CHD7: variants seen among roughly 807,000 people sequenced by gnomAD.
The protein encoded by CHD7 is ATP-dependent chromatin remodeler CHD7.
A neutral mutation model predicts 307.3 loss-of-function variants in CHD7; 24 were observed. That is an observed-to-expected ratio of 0.08 (90% confidence interval 0.06 to 0.11). CHD7 has a LOEUF of 0.11. Among genes scored for constraint, CHD7 ranks in the 10% least tolerant of loss-of-function variants. The pLI is 1.00. For synonymous variants in CHD7, 1,363 were observed against 1,349.9 expected (o/e 1.01, Z -0.21); for missense variants, 3,106 against 3,727.1 (o/e 0.83, Z 4.34).
In CHD7 at chr8:60,853,494, C is replaced by A; in HGVS notation, c.6769C>A (p.Pro2257Thr). The A allele has an allele frequency of 6.6e-7, 1 of 1,511,814 alleles. No individual in the cohort carries two copies. Among genetic ancestry groups the A allele is most frequent in the Non-Finnish European group, 8.8e-7 (1 of 1,131,926 alleles). 93.6% of individuals were successfully genotyped at this position (1,511,814 alleles called of 1,614,324 possible). A position where few individuals can be genotyped will look rare whatever the true frequency, so the allele number is the denominator to read the frequency against. The change falls in exon 31 of 38, where the codon CCC becomes ACC. Residue 2257 changes from proline (P) to threonine (T), a missense_variant. Transcript: ENST00000423902. The stretch of plus-strand genomic sequence containing the variant: ...CGATAAGTCGGAAGAGTCTTCCCAG[C>A]CCGAAGGTAAGGCCTTACCACTGGC... ...DDDKSEESSQPEAGAVSRGKN... is the reference protein window; with the variant it reads ...DDDKSEESSQTEAGAVSRGKN...
chr8:60,845,813 A>G (rs1805186571), intron 23 of CHD7, among the ~76,000 whole-genome samples: 1 of 152,214 alleles, frequency 6.6e-6, no homozygotes, highest in African/African-American at 2.4e-5. Context: ...AATGCTGTAT[A>G]CTCACTATCT....
intron 13 of CHD7, 186 bp downstream of exon 13, chr8:60,824,202 G>C (rs1804168863): frequency 1.7e-6 from 1 of 572,550 alleles, no homozygotes; most frequent in Non-Finnish European, 3.1e-6. Flanking sequence ...TTGTTGGCTA[G>C]TGTCTGTTAA....
intron 21 of CHD7, among the ~76,000 whole-genome samples, chr8:60,842,308 A>G (rs949834698): frequency 2.0e-5 from 3 of 152,230 alleles, no homozygotes; most frequent in African/African-American, 7.2e-5. Flanking sequence ...TGCCAGATCT[A>G]GAGTTACATG....
intron 1 of CHD7, among the ~76,000 whole-genome samples, chr8:60,719,259 C>G (rs949201582): frequency 6.6e-6 from 1 of 152,112 alleles, no homozygotes; most frequent in African/African-American, 2.4e-5. Flanking sequence ...TTTTTTGATT[C>G]AAGTAAGTCT....
At chr8:60,771,424 T>A (rs1444174843) in intron 2 of CHD7, among the ~76,000 whole-genome samples, 1 of 152,222 alleles carries the variant, frequency 6.6e-6, no homozygotes, top group Non-Finnish European at 1.5e-5. Context: ...TTGAAAATGC[T>A]CCATTGAGCA....
At chr8:60,688,039 C>G in intron 1 of CHD7, among the ~76,000 whole-genome samples, 1 of 152,148 alleles carries the variant, frequency 6.6e-6, no homozygotes, top group East Asian at 1.9e-4. Flanking sequence ...TTCTGTACTT[C>G]CTCTGTTGGT....
intron 1 of CHD7, among the ~76,000 whole-genome samples, chr8:60,739,243 C>CTAATAT (rs1808869443): frequency 1.3e-5 from 2 of 152,170 alleles, no homozygotes; most frequent in Non-Finnish European, 2.9e-5. Flanking sequence ...CATATGTAGA[C>CTAATAT]GTTACTTTCC....
intron 15 of CHD7, among the ~76,000 whole-genome samples, chr8:60,833,614 T>G (rs1372716097): frequency 6.6e-6 from 1 of 152,254 alleles, no homozygotes; most frequent in Non-Finnish European, 1.5e-5. Context: ...AGTGACCATC[T>G]GTTGAAGTGA....
intron 1 of CHD7, among the ~76,000 whole-genome samples, chr8:60,693,293 C>T (rs1268593244): frequency 1.3e-5 from 2 of 152,226 alleles, no homozygotes; most frequent in Admixed American, 6.5e-5. Context: ...GTTAGGGGGA[C>T]CCTTTCCTTG....
In CHD7 at chr8:60,865,851, T is replaced by C. The variant is rs1435312516; in HGVS notation, c.8912T>C (p.Leu2971Ser). 6.2e-7 allele frequency: 1 copy of C among 1,613,136 alleles called. No homozygotes were observed. Among genetic ancestry groups the C allele is most frequent in the South Asian group, 1.1e-5 (1 of 90,838 alleles). ...SLDKTAESSL[L>S]EDEIAQGEEL... ...GATAAGACTGCAGAGTCCTCCCTCTTAGAAGACGAAATAGCACAGGGTGAA... is the reference window on the plus strand; with the variant it reads ...GATAAGACTGCAGAGTCCTCCCTCTCAGAAGACGAAATAGCACAGGGTGAA... The change falls in exon 38 of 38, where the codon TTA becomes TCA. Residue 2971 changes from leucine (L) to serine (S), a missense_variant. Around this residue, in one of 10 missense-constraint regions of CHD7, gnomAD observed 351 missense variants for 366.2 expected, o/e 0.96. Coordinates refer to ENST00000423902, the MANE Select transcript of CHD7 (RefSeq NM_017780.4). This position sits in a 1 kb window ranked among gnomAD's most constrained non-coding sequence, Gnocchi z 4.3.
rs546670249 is a variant in CHD7 at position 60,830,199 on chromosome 8, C to A, written c.3523-123C>A. On this transcript the variant is annotated intron_variant, in intron 14 of 37. Transcript: ENST00000423902. ...AGAGATGAGCTCCTTCATACTCTCA[C>A]TGGGCTTTGAAAAATGAAAATGGAT... 7.3e-5 allele frequency: 73 copies of A among 1,002,818 alleles called. No homozygotes were observed. In the African/African-American group the frequency reaches 1.1e-3, roughly 16 times the overall value. The allele number at this position is 1,002,818 out of a possible 1,614,324, so 62.1% of individuals were successfully genotyped here.
In CHD7 at chr8:60,808,080, G is replaced by A. The variant is rs1035511538; in HGVS notation, c.2443-137G>A. 45 of 659,536 alleles carry A rather than the reference G, an allele frequency of 6.8e-5. 1 individual carries two copies. The highest frequency in any genetic ancestry group is 5.5e-4 in the Admixed American group (21 of 38,044). 40.9% of individuals were successfully genotyped at this position (659,536 alleles called of 1,614,324 possible). ...TGGCCCTGGCCACCTCCCAGCACACGGTGTGCTCATCTTACGTGAAGGTCC... is the reference window on the plus strand; with the variant it reads ...TGGCCCTGGCCACCTCCCAGCACACAGTGTGCTCATCTTACGTGAAGGTCC... On this transcript the variant is annotated intron_variant, in intron 6 of 37. Transcript: ENST00000423902.
intron 7 of CHD7, among the ~76,000 whole-genome samples, chr8:60,813,851 A>G (rs531600387): frequency 1.0e-3 from 154 of 151,508 alleles, no homozygotes; most frequent in Non-Finnish European, 1.6e-3. Context: ...TTATAAATAT[A>G]AATATTTACT....
At position 60,809,682 on chromosome 8, in the gene CHD7, A is replaced by G. The variant is rs1011260837; in HGVS notation, c.2498+1410A>G. ...AAGGGAGTTTTGAAAAAAAAAAAAA[A>G]AAAAAAAAAAAAGAAAAAAAAGGTT... On this transcript the variant is annotated intron_variant, in intron 7 of 37. Coordinates refer to ENST00000423902, the MANE Select transcript of CHD7 (RefSeq NM_017780.4). The G allele has an allele frequency of 2.2e-4, 34 of 151,348 alleles. No homozygotes were observed. The East Asian group carries it at 5.8e-3, about 26-fold the overall frequency. 9.4% of individuals were successfully genotyped at this position (151,348 alleles called of 1,614,324 possible).
chr8:60,795,937 G>A (rs1460322341), intron 4 of CHD7, among the ~76,000 whole-genome samples: 1 of 152,198 alleles, frequency 6.6e-6, no homozygotes, highest in African/African-American at 2.4e-5. Context: ...GGAGTAGGAA[G>A]CCAGCCTCTA....
At chr8:60,716,619 G>C (rs983283549) in intron 1 of CHD7, among the ~76,000 whole-genome samples, 2 of 152,048 alleles carry the variant, frequency 1.3e-5, no homozygotes, top group African/African-American at 2.4e-5. Flanking sequence ...TCCTCCAACC[G>C]GTCCCTCTGC....
intron 1 of CHD7, among the ~76,000 whole-genome samples, chr8:60,717,692 A>G (rs1323112492): frequency 6.6e-6 from 1 of 151,956 alleles, no homozygotes; most frequent in Admixed American, 6.6e-5. Context: ...CATATACAAC[A>G]GTGGTCTCAT....
intron 2 of CHD7, among the ~76,000 whole-genome samples, chr8:60,750,230 A>G (rs534213616): frequency 4.1e-4 from 62 of 152,250 alleles, no homozygotes; most frequent in South Asian, 8.3e-4. Flanking sequence ...TATTCTTAAA[A>G]GAAGCCACTT....
chr8:60,697,461 A>G (rs1012150708), intron 1 of CHD7, among the ~76,000 whole-genome samples: 3 of 152,246 alleles, frequency 2.0e-5, no homozygotes, highest in Admixed American at 6.5e-5. Flanking sequence ...TAAGAAAAGG[A>G]AAAACAGAGA....
Sources: allele counts gnomAD v4.1 joint callset (sites outside exome capture counted in the v4.1 genomes callset), GRCh38; gene constraint gnomAD v4.1.1; regional missense constraint gnomAD v4.1.1; non-coding constraint Gnocchi (gnomAD v3.1); transcripts MANE v1.5; gene names NCBI Gene and HGNC (gene_info 2026-07-23, HGNC 2026-07-21).